The following SNTG1 variants were observed in gnomAD, a reference collection of about 807,000 sequenced individuals.
SNTG1 encodes gamma-1-syntrophin.
SNTG1 carries 39 observed loss-of-function variants against 74.7 expected under a neutral mutation model. The ratio of observed to expected loss-of-function variants is 0.52; its 90% CI spans 0.40 to 0.68. The LOEUF (loss-of-function observed/expected upper bound fraction) is 0.68. Ranked by LOEUF, SNTG1 falls within the 30% of genes least tolerant of loss-of-function variation. The pLI is 0.00. For synonymous variants in SNTG1, 254 were observed against 217.1 expected (o/e 1.17, Z -1.49); for missense variants, 685 against 609.5 (o/e 1.12, Z -1.30).
chr8:50,469,162 C>G (rs1307222786), intron 8 of SNTG1, among the ~76,000 whole-genome samples: 1 of 152,162 alleles, frequency 6.6e-6, no homozygotes, highest in Non-Finnish European at 1.5e-5. Context: ...ACATTTCTTG[C>G]AGTGGAGAGT....
At chr8:50,475,325 A>T (rs964040644) in intron 8 of SNTG1, among the ~76,000 whole-genome samples, 26 of 152,196 alleles carry the variant, frequency 1.7e-4, no homozygotes, top group Non-Finnish European at 2.5e-4. Flanking sequence ...CACAATTAAA[A>T]TTTTTTTAAA....
At chr8:50,740,313 T>C (rs1585682607) in intron 17 of SNTG1, among the ~76,000 whole-genome samples, 2 of 145,120 alleles carry the variant, frequency 1.4e-5, no homozygotes, top group Non-Finnish European at 3.0e-5. Context: ...GGGCAAAGGA[T>C]ATGAACCACA....
intron 1 of SNTG1, among the ~76,000 whole-genome samples, chr8:50,105,745 C>G (rs2080346367): frequency 6.6e-6 from 1 of 152,012 alleles, no homozygotes. Context: ...AGAAATTTCG[C>G]TTTCCTGGTT....
intron 2 of SNTG1, among the ~76,000 whole-genome samples, chr8:50,353,577 A>C (rs775589900): frequency 1.2e-4 from 18 of 152,152 alleles, no homozygotes; most frequent in Non-Finnish European, 2.5e-4. Flanking sequence ...CTTTTATGAG[A>C]TATGACAAGT....
At chr8:49,947,575 G>C (rs1234001915) in intron 1 of SNTG1, among the ~76,000 whole-genome samples, 1 of 152,170 alleles carries the variant, frequency 6.6e-6, no homozygotes, top group Non-Finnish European at 1.5e-5. Context: ...ATATCACAAA[G>C]ATGTTGTCTA....
intron 12 of SNTG1, among the ~76,000 whole-genome samples, chr8:50,582,274 C>A (rs2130825126): frequency 6.6e-6 from 1 of 152,246 alleles, no homozygotes; most frequent in African/African-American, 2.4e-5. Context: ...ATTCATTCAA[C>A]AAATATTAAT....
intron 1 of SNTG1, among the ~76,000 whole-genome samples, chr8:50,021,488 A>G (rs1816807616): frequency 6.6e-6 from 1 of 152,166 alleles, no homozygotes; most frequent in Non-Finnish European, 1.5e-5. Context: ...CATTTCTCCC[A>G]TGAGTTAATT....
chr8:50,006,659 T>C (rs1411198180), intron 1 of SNTG1, among the ~76,000 whole-genome samples: 1 of 152,164 alleles, frequency 6.6e-6, no homozygotes, highest in African/African-American at 2.4e-5. Flanking sequence ...TGAGGTGCTA[T>C]TTATTCTGAA....
At chr8:50,315,851 A>C (rs2090297090) in intron 2 of SNTG1, among the ~76,000 whole-genome samples, 1 of 152,178 alleles carries the variant, frequency 6.6e-6, no homozygotes, top group African/African-American at 2.4e-5. Context: ...ATGTGAGCTG[A>C]AAGTGTGCTG....
intron 2 of SNTG1, among the ~76,000 whole-genome samples, chr8:50,335,998 T>C (rs528375061): frequency 6.6e-6 from 1 of 152,122 alleles, no homozygotes. Flanking sequence ...GATGTTCTAT[T>C]CTTCCTGTGT....
At chr8:50,694,007 A>C (rs963392661) in intron 15 of SNTG1, among the ~76,000 whole-genome samples, 1 of 152,160 alleles carries the variant, frequency 6.6e-6, no homozygotes, top group Admixed American at 6.5e-5. Flanking sequence ...TTAGAAAAGG[A>C]GAAAGATTTC....
intron 1 of SNTG1, among the ~76,000 whole-genome samples, chr8:50,099,571 T>A (rs879313954): frequency 6.6e-6 from 1 of 152,154 alleles, no homozygotes; most frequent in Admixed American, 6.6e-5. Context: ...AACTTCATGC[T>A]GCTCTCCACA....
chr8:50,601,020 C>T (rs892044862), intron 13 of SNTG1, among the ~76,000 whole-genome samples: 6 of 151,182 alleles, frequency 4.0e-5, no homozygotes, highest in East Asian at 1.9e-4. Context: ...ATACAAGAAA[C>T]ATTAGTTGGG....
At chr8:49,950,629 G>A (rs1809619276) in intron 1 of SNTG1, among the ~76,000 whole-genome samples, 1 of 152,134 alleles carries the variant, frequency 6.6e-6, no homozygotes, top group Non-Finnish European at 1.5e-5. Context: ...AAAGTTGAAG[G>A]CAGAGATATT....
chr8:49,948,875 C>G (rs529891825), intron 1 of SNTG1, among the ~76,000 whole-genome samples: 141 of 152,326 alleles, frequency 9.3e-4, no homozygotes, highest in Non-Finnish European at 1.7e-3. Flanking sequence ...AGCCCCCGGG[C>G]TCACGGCATG....
In SNTG1 at chr8:50,796,190, A is replaced by C. The variant is rs1457951487; in HGVS notation, c.*3361A>C. The C allele has an allele frequency of 1.3e-5, 2 of 152,082 alleles. No individual in the cohort carries two copies. 9.4% of individuals were successfully genotyped at this position (152,082 alleles called of 1,614,324 possible). On this transcript the variant is annotated 3_prime_UTR_variant, in exon 19 of 19. Transcript: ENST00000642720. ...TTAATAATCCTAACGATAATTTAGA[A>C]TTACTGCTAGAAATCAGCAGTGTGG...
intron 4 of SNTG1, among the ~76,000 whole-genome samples, chr8:50,414,241 G>C (rs996350739): frequency 1.3e-5 from 2 of 152,148 alleles, no homozygotes; most frequent in Non-Finnish European, 2.9e-5. Flanking sequence ...TAGCAACCCA[G>C]ATATTCTTTA....
chr8:50,067,074 A>G (rs1346870779), intron 1 of SNTG1, among the ~76,000 whole-genome samples: 1 of 152,104 alleles, frequency 6.6e-6, no homozygotes, highest in Non-Finnish European at 1.5e-5. Flanking sequence ...TGCTGTCACC[A>G]ACAGTCATCT....
chr8:50,168,360 A>T (rs1233646476), intron 1 of SNTG1, among the ~76,000 whole-genome samples: 1 of 152,160 alleles, frequency 6.6e-6, no homozygotes, highest in African/African-American at 2.4e-5. Context: ...TCCATTCCTT[A>T]TATTACTGCC....
Sources: allele counts gnomAD v4.1 joint callset (sites outside exome capture counted in the v4.1 genomes callset), GRCh38; gene constraint gnomAD v4.1.1; transcripts MANE v1.5; gene names NCBI Gene and HGNC (gene_info 2026-07-23, HGNC 2026-07-21).